The following CD38 variants were observed in gnomAD, a reference collection of about 807,000 sequenced individuals.
CD38 encodes the protein ADP-ribosyl cyclase/cyclic ADP-ribose hydrolase 1.
CD38 carries 31 observed loss-of-function variants against 36.3 expected under a neutral mutation model. The ratio of observed to expected loss-of-function variants is 0.85; its 90% CI spans 0.64 to 1.15. The LOEUF is 1.15. Among genes scored for constraint, CD38 ranks in the 50% most tolerant of loss-of-function variants. CD38 has a pLI of 0.00. For synonymous variants in CD38, 131 were observed against 135.2 expected, an observed-to-expected ratio of 0.97 and a Z score of 0.22; for missense variants, 380 against 371.9, an observed-to-expected ratio of 1.02 and a Z score of -0.18.
intron 1 of CD38, among the ~76,000 whole-genome samples, chr4:15,797,565 G>T (rs1293905418): frequency 6.6e-6 from 1 of 152,138 alleles, no homozygotes; most frequent in Admixed American, 6.5e-5. Flanking sequence ...TGCAGCTGCC[G>T]TGATAAAGTA....
chr4:15,831,867 T>A (rs1723967045), intron 3 of CD38, among the ~76,000 whole-genome samples: 1 of 152,214 alleles, frequency 6.6e-6, no homozygotes. Flanking sequence ...TTGCTTTGAA[T>A]AAACTTTCTA....
chr4:15,791,025 ACCC>A (rs1224833206), intron 1 of CD38, among the ~76,000 whole-genome samples: 1 of 123,984 alleles, frequency 8.1e-6, no homozygotes, highest in Non-Finnish European at 1.7e-5. Context: ...CCCGGCAGCC[ACCC>A]CGTCCGGGAG....
At chr4:15,782,452 T>C (rs898549478) in intron 1 of CD38, among the ~76,000 whole-genome samples, 2 of 152,240 alleles carry the variant, frequency 1.3e-5, no homozygotes, top group African/African-American at 4.8e-5. Context: ...GCTTTTAAGA[T>C]GATAAAAATC....
chr4:15,852,139 C>T lies in CD38; in HGVS notation c.*3537C>T, dbSNP rs1024978703. The T allele has an allele frequency of 2.0e-5, 3 of 152,244 alleles. No homozygotes were observed. The highest frequency in any genetic ancestry group is 7.2e-5 in the African/African-American group (3 of 41,468). The allele number at this position is 152,244 out of a possible 1,614,324, so 9.4% of individuals were successfully genotyped here. ...TCTCAATCCACAGTAATTGCAGCAT[C>T]CAGTAGGTCTTACTTTAGCCCTGAG... On this transcript the variant is annotated 3_prime_UTR_variant, in exon 8 of 8. Coordinates refer to ENST00000226279, the MANE Select transcript of CD38 (RefSeq NM_001775.4).
intron 1 of CD38, among the ~76,000 whole-genome samples, chr4:15,799,520 A>T (rs1302810354): frequency 6.6e-6 from 1 of 152,124 alleles, no homozygotes; most frequent in East Asian, 1.9e-4. Context: ...TCTGAGTTGT[A>T]TGTCTTTGTC....
At chr4:15,785,179 C>T (rs1415451265) in intron 1 of CD38, among the ~76,000 whole-genome samples, 1 of 151,966 alleles carries the variant, frequency 6.6e-6, no homozygotes, top group Non-Finnish European at 1.5e-5. Flanking sequence ...GACTATAGGT[C>T]TCAGTTACCT....
intron 1 of CD38, among the ~76,000 whole-genome samples, chr4:15,799,195 A>C (rs1006899367): frequency 6.6e-6 from 1 of 152,148 alleles, no homozygotes; most frequent in African/African-American, 2.4e-5. Context: ...GTGTGTGGTG[A>C]AATTAGGAAG....
intron 3 of CD38, among the ~76,000 whole-genome samples, chr4:15,827,044 C>A (rs943253765): frequency 6.6e-5 from 10 of 152,148 alleles, no homozygotes; most frequent in African/African-American, 2.4e-4. Flanking sequence ...TAAGTACTTA[C>A]AAAGTGCCAG....
intron 3 of CD38, among the ~76,000 whole-genome samples, chr4:15,833,019 C>G (rs1366191158): frequency 2.0e-5 from 3 of 152,196 alleles, no homozygotes; most frequent in Non-Finnish European, 4.4e-5. Flanking sequence ...CACCACAGGC[C>G]CACAGGGAGT....
At position 15,822,357 on chromosome 4, in the gene CD38, A is replaced by G. The variant is rs144069178; in HGVS notation, c.364-2524A>G. Among the ~76,000 whole-genome samples the G allele has an allele frequency of 3.5e-3, 533 of 152,318 alleles. 2 individuals carry two copies. The highest frequency in any genetic ancestry group is 5.4e-3 in the Non-Finnish European group (366 of 68,028). On this transcript the variant is annotated intron_variant, in intron 2 of 7. Transcript: ENST00000226279. Reference sequence around the variant, plus strand: ...GTTCTGACCGGGACAATCAGGCAAGAGAAAGAAATAAAGTCTTTTCAAATG... The same window carrying G: ...GTTCTGACCGGGACAATCAGGCAAGGGAAAGAAATAAAGTCTTTTCAAATG...
intron 2 of CD38, among the ~76,000 whole-genome samples, chr4:15,820,320 A>G (rs1368967335): frequency 6.6e-6 from 1 of 152,210 alleles, no homozygotes. Flanking sequence ...CATCATGATA[A>G]CTGGATCAAA....
intron 3 of CD38, among the ~76,000 whole-genome samples, chr4:15,826,459 G>GCACACACA (rs67475051): frequency 1.4e-3 from 201 of 146,446 alleles, no homozygotes; most frequent in Non-Finnish European, 1.8e-3. Flanking sequence ...ACTTTTGTGC[G>GCACACACA]CACACACACA....
At chr4:15,790,560 C>CG (rs1722949858) in intron 1 of CD38, among the ~76,000 whole-genome samples, 1 of 150,478 alleles carries the variant, frequency 6.6e-6, no homozygotes, top group Non-Finnish European at 1.5e-5. Flanking sequence ...CCTTGGCCCC[C>CG]CAAAGTGCCG....
intron 1 of CD38, among the ~76,000 whole-genome samples, chr4:15,811,688 A>G (rs186234762): frequency 6.6e-6 from 1 of 152,302 alleles, no homozygotes; most frequent in African/African-American, 2.4e-5. Context: ...AGCCAATATT[A>G]TGGAACTGGT....
chr4:15,811,470 A>C (rs942095137), intron 1 of CD38, among the ~76,000 whole-genome samples: 1 of 151,290 alleles, frequency 6.6e-6, no homozygotes, highest in African/African-American at 2.4e-5. Context: ...ATGGGTCCTA[A>C]TTTATTCTTT....
chr4:15,841,473 C>T (rs1200227251), intron 7 of CD38, among the ~76,000 whole-genome samples: 1 of 152,164 alleles, frequency 6.6e-6, no homozygotes, highest in Admixed American at 6.5e-5. Context: ...CAGAAAAGGC[C>T]ATGAGCATTC....
At chr4:15,799,507 G>A (rs555848255) in intron 1 of CD38, among the ~76,000 whole-genome samples, 2 of 152,116 alleles carry the variant, frequency 1.3e-5, no homozygotes, top group Admixed American at 1.3e-4. Context: ...TTACTCTTTT[G>A]TGTCTGAGTT....
At chr4:15,800,181 C>T (rs1471436031) in intron 1 of CD38, among the ~76,000 whole-genome samples, 1 of 152,162 alleles carries the variant, frequency 6.6e-6, no homozygotes, top group Non-Finnish European at 1.5e-5. Flanking sequence ...TGCTGTTGAC[C>T]TAGCTCAGCC....
chr4:15,781,879 T>C (rs1722705379), intron 1 of CD38, among the ~76,000 whole-genome samples: 1 of 152,180 alleles, frequency 6.6e-6, no homozygotes, highest in African/African-American at 2.4e-5. Flanking sequence ...CCCTAAAATT[T>C]AGTGACTTAA....
Sources: allele counts gnomAD v4.1 joint callset (sites outside exome capture counted in the v4.1 genomes callset), GRCh38; gene constraint gnomAD v4.1.1; transcripts MANE v1.5; gene names NCBI Gene and HGNC (gene_info 2026-07-23, HGNC 2026-07-21).